TENM2: variants seen among roughly 807,000 people sequenced by gnomAD.
The protein encoded by TENM2 is teneurin transmembrane protein 2, also known as teneurin-2.
Under a neutral mutation model 245.2 loss-of-function variants are expected in TENM2, and 52 were observed. That is an observed-to-expected ratio of 0.21 (90% confidence interval 0.17 to 0.27). The LOEUF is 0.27. Ranked by LOEUF, TENM2 falls within the 10% of genes least tolerant of loss-of-function variation. The pLI, the probability that TENM2 is intolerant of heterozygous loss-of-function variation, is 1.00. For synonymous variants in TENM2, 1,363 were observed against 1,438.9 expected (o/e 0.95, Z 1.19); for missense variants, 3,046 against 3,666.8 (o/e 0.83, Z 4.37).
At chr5:167,900,913 T>C (rs957121869) in intron 3 of TENM2, among the ~76,000 whole-genome samples, 2 of 151,766 alleles carry the variant, frequency 1.3e-5, no homozygotes, top group Non-Finnish European at 2.9e-5. Flanking sequence ...TTGACAGGAC[T>C]GGATGTACTC....
intron 2 of TENM2, among the ~76,000 whole-genome samples, chr5:167,463,581 C>T (rs1411317097): frequency 1.3e-5 from 2 of 151,918 alleles, no homozygotes; most frequent in African/African-American, 4.8e-5. Context: ...TCAGTGCAAC[C>T]TCCACCTCCT....
intron 2 of TENM2, among the ~76,000 whole-genome samples, chr5:167,850,150 C>G (rs938971135): frequency 6.6e-6 from 1 of 152,142 alleles, no homozygotes; most frequent in African/African-American, 2.4e-5. Flanking sequence ...CATGAGAAGA[C>G]AAAAGACTTT....
At chr5:167,170,719 C>T in the TENM2 span, among the ~76,000 whole-genome samples, 1 of 152,140 alleles carries the variant, frequency 6.6e-6, no homozygotes, top group South Asian at 2.1e-4. Context: ...GTTGAACCCA[C>T]TTCAGTAAGA....
chr5:167,925,652 C>CA (rs1035072237), intron 3 of TENM2, among the ~76,000 whole-genome samples: 10 of 152,286 alleles, frequency 6.6e-5, no homozygotes, highest in Admixed American at 2.0e-4. Context: ...GAGGCACGCA[C>CA]ATAAATGTTC....
At chr5:167,856,501 T>A (rs1427677648) in intron 2 of TENM2, among the ~76,000 whole-genome samples, 1 of 152,208 alleles carries the variant, frequency 6.6e-6, no homozygotes, top group African/African-American at 2.4e-5. Context: ...GTGACATGTT[T>A]CCTTTAAATA....
chr5:167,655,104 G>A (rs1440537253), intron 2 of TENM2, among the ~76,000 whole-genome samples: 1 of 152,088 alleles, frequency 6.6e-6, no homozygotes, highest in African/African-American at 2.4e-5. Context: ...TTGCGCTAGT[G>A]TTGGTTCACT....
the TENM2 span, among the ~76,000 whole-genome samples, chr5:167,110,900 T>C: frequency 2.0e-5 from 3 of 152,212 alleles, no homozygotes; most frequent in African/African-American, 7.2e-5. Context: ...GCATTCATTG[T>C]TAGAAAAAGA....
intron 2 of TENM2, among the ~76,000 whole-genome samples, chr5:167,388,304 T>A (rs1388876206): frequency 2.0e-5 from 3 of 152,052 alleles, no homozygotes; most frequent in African/African-American, 7.2e-5. Context: ...ATGCATAGCG[T>A]TCATAGTAGC....
At chr5:167,724,899 G>A (rs1582846388) in intron 2 of TENM2, among the ~76,000 whole-genome samples, 1 of 152,072 alleles carries the variant, frequency 6.6e-6, no homozygotes, top group Non-Finnish European at 1.5e-5. Flanking sequence ...GCTGGATTAC[G>A]GCAGGTAAGC....
chr5:167,150,928 A>G, the TENM2 span, among the ~76,000 whole-genome samples: 3 of 152,234 alleles, frequency 2.0e-5, no homozygotes, highest in South Asian at 6.2e-4. Context: ...ATTTAATGTA[A>G]TCATCACAAC....
intron 2 of TENM2, among the ~76,000 whole-genome samples, chr5:167,442,806 G>T (rs928910625): frequency 3.3e-5 from 5 of 152,020 alleles, no homozygotes; most frequent in Non-Finnish European, 2.9e-5. Flanking sequence ...GCATAATATG[G>T]TCAAATTTTC....
intron 9 of TENM2, among the ~76,000 whole-genome samples, chr5:168,103,476 G>T (rs946246383): frequency 3.9e-5 from 6 of 151,974 alleles, no homozygotes; most frequent in African/African-American, 1.5e-4. Flanking sequence ...TGACCAGTCT[G>T]TGACAGTTCC....
chr5:167,414,909 A>G (rs150881543), intron 2 of TENM2, among the ~76,000 whole-genome samples: 22 of 152,166 alleles, frequency 1.4e-4, no homozygotes, highest in African/African-American at 4.8e-4. Flanking sequence ...AATTTTCATA[A>G]TTTGCTTGGG....
chr5:167,379,013 G>T (rs1227370970), intron 2 of TENM2, among the ~76,000 whole-genome samples: 1 of 152,100 alleles, frequency 6.6e-6, no homozygotes, highest in Non-Finnish European at 1.5e-5. Flanking sequence ...GAAATCTGGT[G>T]TTGGTTAAAC....
the TENM2 span, among the ~76,000 whole-genome samples, chr5:166,986,670 C>T: frequency 6.6e-6 from 1 of 152,106 alleles, no homozygotes; most frequent in Non-Finnish European, 1.5e-5. Context: ...AAGCTGTCCT[C>T]TAGGAATTAC....
At chr5:167,725,496 T>C (rs6897962) in intron 2 of TENM2, among the ~76,000 whole-genome samples, 3,101 of 152,284 alleles carry the variant, frequency 0.02, 114 homozygotes, top group African/African-American at 0.071. Flanking sequence ...TCATGCTAAA[T>C]GCTTACTTAA....
intron 12 of TENM2, among the ~76,000 whole-genome samples, chr5:168,156,810 C>A (rs1397255571): frequency 6.6e-6 from 1 of 152,042 alleles, no homozygotes; most frequent in Non-Finnish European, 1.5e-5. Context: ...CAGAGTTATT[C>A]GTTCATCATT....
intron 2 of TENM2, among the ~76,000 whole-genome samples, chr5:167,805,750 G>T (rs1242713057): frequency 6.6e-6 from 1 of 152,082 alleles, no homozygotes; most frequent in East Asian, 1.9e-4. Context: ...ATTTAATGAG[G>T]TGAGGTGGTG....
At chr5:167,925,701 A>G (rs1391859698) in intron 3 of TENM2, among the ~76,000 whole-genome samples, 2 of 152,216 alleles carry the variant, frequency 1.3e-5, no homozygotes, top group Middle Eastern at 6.3e-3. Context: ...CATGGAATCA[A>G]CCTAAATGCC....
Sources: allele counts gnomAD v4.1 joint callset (sites outside exome capture counted in the v4.1 genomes callset), GRCh38; gene constraint gnomAD v4.1.1; transcripts MANE v1.5; gene names NCBI Gene and HGNC (gene_info 2026-07-23, HGNC 2026-07-21).